The following GALNTL6 variants were observed in gnomAD, a reference collection of about 807,000 sequenced individuals.
GALNTL6 encodes polypeptide N-acetylgalactosaminyltransferase-like 6.
Under a neutral mutation model 73.7 loss-of-function variants are expected in GALNTL6, and 46 were observed. The ratio of observed to expected loss-of-function variants is 0.62; its 90% confidence interval spans 0.49 to 0.80. The LOEUF (loss-of-function observed/expected upper bound fraction) is 0.80, where lower values mean the gene tolerates loss of function less well. Among genes scored for constraint, GALNTL6 ranks in the 30% least tolerant of loss-of-function variants. The probability of loss-of-function intolerance (pLI) is 0.00; values close to 1 mark genes in which losing one functional copy is unlikely to be tolerated. For synonymous variants in GALNTL6, 259 were observed against 263.7 expected (o/e 0.98, Z 0.17); for missense variants, 604 against 755.0 (o/e 0.80, Z 2.34).
At position 172,530,939 on chromosome 4, in the gene GALNTL6, G is replaced by A. The variant is rs549339661; in HGVS notation, c.553+182250G>A. The stretch of plus-strand genomic sequence containing the variant: ...CTAGACGTCTATAATTGTACTCGCC[G>A]TGTGTTATAAGCAAGAATCACCTGA... On this transcript the variant is annotated intron_variant, in intron 5 of 12. Coordinates refer to ENST00000506823, the MANE Select transcript of GALNTL6 (RefSeq NM_001034845.3). Among the ~76,000 whole-genome samples the A allele has an allele frequency of 7.1e-3, 468 of 65,526 alleles. 2 individuals are homozygous for A. The highest frequency in any genetic ancestry group is 0.028 in the South Asian group (22 of 800). 43.0% of individuals were successfully genotyped at this position (65,526 alleles called of 152,430 possible).
intron 5 of GALNTL6, among the ~76,000 whole-genome samples, chr4:172,520,008 A>T (rs1199468369): frequency 6.6e-6 from 1 of 151,914 alleles, no homozygotes; most frequent in Non-Finnish European, 1.5e-5. Context: ...AAGAAAAATT[A>T]TGGCACTTTT....
At chr4:172,727,293 C>T (rs1392526443) in intron 5 of GALNTL6, among the ~76,000 whole-genome samples, 1 of 152,178 alleles carries the variant, frequency 6.6e-6, no homozygotes. Flanking sequence ...AAGTCATATA[C>T]TTTACACCAC....
chr4:171,987,961 A>G (rs2111091057), intron 2 of GALNTL6, among the ~76,000 whole-genome samples: 1 of 152,320 alleles, frequency 6.6e-6, no homozygotes. Context: ...CTTAACAAAG[A>G]GTGAGTACAG....
chr4:172,305,553 C>A (rs977530622), intron 3 of GALNTL6, among the ~76,000 whole-genome samples: 1 of 151,928 alleles, frequency 6.6e-6, no homozygotes, highest in Admixed American at 6.6e-5. Flanking sequence ...ACTGTTAAAT[C>A]CTCTGAGTAT....
At chr4:171,995,971 C>G (rs772117245) in intron 2 of GALNTL6, among the ~76,000 whole-genome samples, 5 of 152,096 alleles carry the variant, frequency 3.3e-5, no homozygotes, top group Middle Eastern at 3.4e-3. Context: ...GGCATATTAC[C>G]CACAATTGGG....
intron 5 of GALNTL6, among the ~76,000 whole-genome samples, chr4:172,738,706 G>A (rs560383514): frequency 1.4e-4 from 22 of 152,236 alleles, no homozygotes; most frequent in African/African-American, 2.6e-4. Context: ...CTGAGAACAC[G>A]TGCCCAAGGT....
At chr4:172,487,066 C>A (rs755618333) in intron 5 of GALNTL6, among the ~76,000 whole-genome samples, 1 of 152,044 alleles carries the variant, frequency 6.6e-6, no homozygotes, top group Non-Finnish European at 1.5e-5. Context: ...GACTGCAAAC[C>A]TAAGAAGCTC....
chr4:172,049,032 G>A (rs1389968524), intron 2 of GALNTL6, among the ~76,000 whole-genome samples: 1 of 152,144 alleles, frequency 6.6e-6, no homozygotes, highest in Non-Finnish European at 1.5e-5. Context: ...TTGTTTCTTA[G>A]AGAGATGGGA....
At chr4:172,237,995 A>G (rs1432074539) in intron 3 of GALNTL6, among the ~76,000 whole-genome samples, 1 of 152,104 alleles carries the variant, frequency 6.6e-6, no homozygotes, top group Non-Finnish European at 1.5e-5. Context: ...GTAGGCTTGT[A>G]ACATTGTTTG....
chr4:172,275,905 C>T (rs1738813645), intron 3 of GALNTL6, among the ~76,000 whole-genome samples: 1 of 152,172 alleles, frequency 6.6e-6, no homozygotes, highest in South Asian at 2.1e-4. Flanking sequence ...TGCAGTGAGC[C>T]AAGTTTGTGC....
At chr4:172,192,946 C>T (rs990458574) in intron 2 of GALNTL6, among the ~76,000 whole-genome samples, 1 of 152,192 alleles carries the variant, frequency 6.6e-6, no homozygotes, top group Non-Finnish European at 1.5e-5. Context: ...TCCATTTCTC[C>T]TCAGCAGGTA....
chr4:172,762,929 T>G (rs1333134963), intron 5 of GALNTL6, among the ~76,000 whole-genome samples: 1 of 152,160 alleles, frequency 6.6e-6, no homozygotes, highest in Non-Finnish European at 1.5e-5. Context: ...GCTTCACAAT[T>G]TAAGACTTTC....
chr4:171,836,500 A>T, intron 2 of GALNTL6, among the ~76,000 whole-genome samples: 1 of 152,140 alleles, frequency 6.6e-6, no homozygotes, highest in Non-Finnish European at 1.5e-5. Flanking sequence ...CAACAGAAAA[A>T]ATATAACTGA....
intron 5 of GALNTL6, among the ~76,000 whole-genome samples, chr4:172,795,348 G>T (rs867112458): frequency 6.6e-6 from 1 of 152,086 alleles, no homozygotes; most frequent in Non-Finnish European, 1.5e-5. Context: ...AGAAAAAAGG[G>T]AGAGCATATG....
intron 2 of GALNTL6, chr4:171,816,300 C>G (rs1048625833): frequency 9.7e-4 from 148 of 151,960 alleles, no homozygotes; most frequent in African/African-American, 3.4e-3. Context: ...GAGATTCTTA[C>G]AACTTTCACA....
chr4:172,732,420 T>C (rs2111392845), intron 5 of GALNTL6, among the ~76,000 whole-genome samples: 1 of 152,302 alleles, frequency 6.6e-6, no homozygotes, highest in African/African-American at 2.4e-5. Context: ...ATGTGTGTCT[T>C]TACAGGTAAA....
intron 2 of GALNTL6, among the ~76,000 whole-genome samples, chr4:171,837,941 A>C (rs1413231976): frequency 6.6e-6 from 1 of 151,316 alleles, no homozygotes; most frequent in Non-Finnish European, 1.5e-5. Context: ...TTATGAAATG[A>C]GAGTCATATA....
intron 5 of GALNTL6, among the ~76,000 whole-genome samples, chr4:172,614,160 A>T (rs1316498388): frequency 2.0e-5 from 3 of 151,854 alleles, no homozygotes; most frequent in African/African-American, 7.3e-5. Flanking sequence ...TCTGTCTATC[A>T]TCTATCTATC....
chr4:172,380,491 G>A, intron 5 of GALNTL6: 1 of 471,864 alleles, frequency 2.1e-6, no homozygotes, highest in South Asian at 1.9e-5. Context: ...CAGCCATCTT[G>A]TCAGGTCCTG....
Sources: gnomAD v4.1 joint callset for allele counts (sites outside exome capture counted in the v4.1 genomes callset) on GRCh38, gnomAD v4.1.1 for gene constraint, MANE v1.5 for transcripts, NCBI Gene and HGNC (gene_info 2026-07-23, HGNC 2026-07-21) for gene names.